Variants in KANK2 observed in about 807,000 individuals in gnomAD.
KANK2 encodes the protein KN motif and ankyrin repeat domains 2.
KANK2 carries 41 observed loss-of-function variants against 74.6 expected under a neutral mutation model. The ratio of observed to expected loss-of-function variants is 0.55; its 90% CI spans 0.43 to 0.71. The LOEUF (loss-of-function observed/expected upper bound fraction) is 0.71. KANK2 is among the 30% of genes least tolerant of loss of function. The pLI is 0.00. For synonymous variants in KANK2, 537 were observed against 519.0 expected (o/e 1.03, Z -0.47); for missense variants, 1,148 against 1,196.4 (o/e 0.96, Z 0.60).
chr19:11,174,957 C>CTT (rs573242892), intron 8 of KANK2, among the ~76,000 whole-genome samples: 10 of 140,896 alleles, frequency 7.1e-5, no homozygotes, highest in Non-Finnish European at 9.3e-5. Context: ...CTCTCTCTCT[C>CTT]TTTTTTTTTT....
At chr19:11,171,065 C>T (rs2078160251) in intron 10 of KANK2, among the ~76,000 whole-genome samples, 1 of 152,096 alleles carries the variant, frequency 6.6e-6, no homozygotes, top group African/African-American at 2.4e-5. Context: ...CGTGATCCGC[C>T]CGCCTAGGTT....
chr19:11,187,054 G>A (rs527665414), intron 4 of KANK2, among the ~76,000 whole-genome samples: 4 of 152,112 alleles, frequency 2.6e-5, no homozygotes, highest in East Asian at 1.9e-4. Flanking sequence ...TCAGGAGTTC[G>A]AGACCAGCCT....
In KANK2 at chr19:11,192,874, C is replaced by A; in HGVS notation, c.1206G>T (p.Val402=). Residue 402 remains valine (V), a synonymous_variant, in exon 4 of 13, where the codon GTG becomes GTT. Transcript: ENST00000586659. ...PAAATSNVHM[V]KKISITERSC... is the part of the protein sequence containing the mutation. ...TTCGCTCTGTGATGCTAATCTTCTT[C>A]ACCATATGGACGTTGCTGGTAGCTG... 6.2e-7 allele frequency: 1 copy of A among 1,609,516 alleles called. No homozygotes were observed. The highest frequency in any genetic ancestry group is 8.5e-7 in the Non-Finnish European group (1 of 1,178,370).
intron 3 of KANK2, 116 bp downstream of exon 3, chr19:11,194,359 T>G: frequency 1.2e-6 from 1 of 814,400 alleles, no homozygotes; most frequent in Non-Finnish European, 2.0e-6. Flanking sequence ...CCCTCAGACC[T>G]CTAATTGTTG....
Position 11,193,686 on chromosome 19 carries a change from G to T in KANK2, c.394C>A (p.Arg132Ser). The T allele has an allele frequency of 6.2e-7, 1 of 1,609,200 alleles. No individual in the cohort carries two copies. Among genetic ancestry groups the T allele is most frequent in the Non-Finnish European group, 8.5e-7 (1 of 1,177,676 alleles). The change falls in exon 4 of 13, where the codon CGT (arginine) becomes AGT (serine). Residue 132 changes from arginine (R) to serine (S), a missense_variant. By Grantham distance (110) the Arg-to-Ser change is moderately radical. Transcript: ENST00000586659. This position sits in a 1 kb window ranked among gnomAD's most constrained non-coding sequence, Gnocchi z 9.6. Reference sequence around the variant, plus strand: ...GCCGCCTGGTCCTCGAGACGGCGACGGGCATCCAGCAGCGTGCGCTCCACC... The same window carrying T: ...GCCGCCTGGTCCTCGAGACGGCGACTGGCATCCAGCAGCGTGCGCTCCACC... ...PRVERTLLDA[R>S]RRLEDQAATP...
intron 4 of KANK2, among the ~76,000 whole-genome samples, chr19:11,185,863 A>AC (rs59893470): frequency 0.037 from 5,547 of 151,838 alleles, 363 homozygotes; most frequent in African/African-American, 0.13. Context: ...ACAGAGCAAG[A>AC]CCCCATCTCT....
At chr19:11,169,782 C>T (rs1370664076) in intron 12 of KANK2, 95 bp downstream of exon 12, 6 of 1,060,352 alleles carry the variant, frequency 5.7e-6, no homozygotes, top group Non-Finnish European at 4.2e-6. Flanking sequence ...CCCTGGGCGA[C>T]AGAGTGAGAC....
upstream of KANK2, chr19:11,197,718 G>C (rs565327544): frequency 6.6e-6 from 1 of 151,954 alleles, no homozygotes; most frequent in Non-Finnish European, 1.5e-5. Context: ...TGGACAGCAG[G>C]TGTGTGTGCG....
In KANK2 at chr19:11,193,530, G is replaced by C; in HGVS notation, c.550C>G (p.His184Asp). 1 of 1,607,086 alleles carries C rather than the reference G, an allele frequency of 6.2e-7. No individual in the cohort carries two copies. The highest frequency in any genetic ancestry group is 8.5e-7 in the Non-Finnish European group (1 of 1,179,598). Reference sequence around the variant, plus strand: ...ATCTGCTCCCGCACGTGGGCCAGGTGCCCGGCACTGGGAGGCACCGGTGTG... The same window carrying C: ...ATCTGCTCCCGCACGTGGGCCAGGTCCCCGGCACTGGGAGGCACCGGTGTG... ...LSTPVPPSAG[H>D]LAHVREQMAG... Residue 184 changes from histidine to aspartate, a missense_variant, in exon 4 of 13, where the codon CAC becomes GAC. His to Asp is a moderately conservative substitution (Grantham distance 81, BLOSUM62 -1). Transcript: ENST00000586659. The surrounding 1 kb of genome is among the most constrained non-coding windows in gnomAD (Gnocchi z 9.6).
chr19:11,193,166 G>GCCTGCAGCT lies in KANK2; in HGVS notation c.905_913dup (p.Glu302_Gln304dup), dbSNP rs753261699. 1 of 1,610,496 alleles carries GCCTGCAGCT rather than the reference G, an allele frequency of 6.2e-7. No homozygotes were observed. On this transcript the variant is annotated inframe_insertion, in exon 4 of 13. Transcript: ENST00000586659. The surrounding 1 kb of genome is among the most constrained non-coding windows in gnomAD (Gnocchi z 9.6). ...GGGGTCAGCCTGCCGGGCCTGAGCT[G>GCCTGCAGCT]CCTGCAGCTCCTGCAGCGCCTTCTT...
At chr19:11,176,442 G>A (rs2078338409) in intron 7 of KANK2, 136 bp downstream of exon 7, 3 of 1,008,274 alleles carry the variant, frequency 3.0e-6, no homozygotes, top group Admixed American at 2.7e-5. Flanking sequence ...GAAGGAGCAA[G>A]TGCTCGTTTG....
chr19:11,187,497 G>A (rs2078710306), intron 4 of KANK2, among the ~76,000 whole-genome samples: 1 of 152,092 alleles, frequency 6.6e-6, no homozygotes, highest in South Asian at 2.1e-4. Context: ...ATTAGATGGG[G>A]TGGGGGTGGC....
In KANK2 at chr19:11,178,614, G is replaced by A. The variant is rs1306765947; in HGVS notation, c.1356C>T (p.Pro452=). 16 of 1,600,390 alleles carry A rather than the reference G, an allele frequency of 1.0e-5. No individual in the cohort carries two copies. The highest frequency in any genetic ancestry group is 1.4e-5 in the Non-Finnish European group (16 of 1,174,878). ...CTTGCCTGGTGGGCTCCCTGTGGGT[G>A]GGCTCCTGGGTGGGCACTCGGCCTG... ...KSTGRVPTQE[P]THREPTRQAA... is the part of the protein sequence containing the mutation. The change falls in exon 5 of 13, where the codon CCC becomes CCT. Residue 452 remains proline, a synonymous_variant. Coordinates refer to ENST00000586659, the MANE Select transcript of KANK2 (RefSeq NM_001136191.3).
At position 11,193,070 on chromosome 19, in the gene KANK2, C is replaced by T. The variant is rs369636439; in HGVS notation, c.1010G>A (p.Arg337Gln). The change falls in exon 4 of 13, where the codon CGG becomes CAG. Residue 337 changes from arginine to glutamine, a missense_variant. Arg to Gln is a conservative substitution (Grantham distance 43, BLOSUM62 1). Coordinates refer to ENST00000586659, the MANE Select transcript of KANK2 (RefSeq NM_001136191.3). This position sits in a 1 kb window ranked among gnomAD's most constrained non-coding sequence, Gnocchi z 9.6. ...TGTGCTGGCCACCACCTCCACCTCC[C>T]GTGGCCCTTCTACCACCCGGACTGT... ...VDTVRVVEGP[R>Q]EVEVVASTAA... 108 of 1,610,128 alleles carry T rather than the reference C, an allele frequency of 6.7e-5. No homozygotes were observed. The highest frequency in any genetic ancestry group is 8.5e-5 in the Non-Finnish European group (100 of 1,178,474).
rs2078343428 is a variant in KANK2, at chr19:11,176,591, C to T, written c.1747G>A (p.Glu583Lys). 1 of 1,590,328 alleles carries T rather than the reference C, an allele frequency of 6.3e-7. No individual in the cohort carries two copies. The highest frequency in any genetic ancestry group is 1.3e-5 in the African/African-American group (1 of 74,526). The part of the protein sequence containing the change: ...TAEGASGSNT[E>K]EEIRMELSPD... The stretch of plus-strand genomic sequence containing the variant: ...CAGAAAACTGACCTGATCTCCTCCT[C>T]CGTGTTTGATCCTGATGCCCCCTCA... Residue 583 changes from glutamate (E) to lysine (K), a missense_variant, in exon 7 of 13, where the codon GAG (glutamate) becomes AAG (lysine). By Grantham distance (56) the Glu-to-Lys change is moderately conservative (BLOSUM62 1). Coordinates refer to ENST00000586659, the MANE Select transcript of KANK2 (RefSeq NM_001136191.3).
At chr19:11,188,811 G>A (rs1182789236) in intron 4 of KANK2, among the ~76,000 whole-genome samples, 2 of 151,672 alleles carry the variant, frequency 1.3e-5, no homozygotes, top group East Asian at 2.0e-4. Flanking sequence ...GTGAAACCCC[G>A]TCTCTACTAA....
rs956955238 is a variant in KANK2, at chr19:11,170,384, TCAAA to T, written c.2212-140_2212-137del. 1.5e-6 allele frequency: 1 copy of T among 661,248 alleles called. No homozygotes were observed. Among genetic ancestry groups the T allele is most frequent in the Non-Finnish European group, 2.6e-6 (1 of 386,932 alleles). 41.0% of individuals were successfully genotyped at this position (661,248 alleles called of 1,614,324 possible). ...CAACTTGCTGATCTCCTCCTGAATC[TCAAA>T]CAACCCTCCCGTCACCAGGGGAGTA... On this transcript the variant is annotated intron_variant, in intron 10 of 12. Coordinates refer to ENST00000586659, the MANE Select transcript of KANK2 (RefSeq NM_001136191.3). The surrounding 1 kb of genome is among the most constrained non-coding windows in gnomAD (Gnocchi z 5.2).
intron 2 of KANK2, chr19:11,195,262 G>A (rs1005187972): frequency 4.6e-5 from 7 of 152,226 alleles, no homozygotes; most frequent in African/African-American, 1.7e-4. Flanking sequence ...CGGGCCCAGG[G>A]GCGCAGTAGG....
chr19:11,176,650 T>C lies in KANK2; in HGVS notation c.1688A>G (p.Gln563Arg), dbSNP rs61733491. ...TATGTGCTGAGATTCTCGAGACAGC[T>C]GACACTCCTGCCGGCTGGTCTTGGC... ...AAAKTSRQEC[Q>R]LSRESQHIPT... The change falls in exon 7 of 13, where the codon CAG becomes CGG. Residue 563 changes from glutamine to arginine, a missense_variant. By Grantham distance (43) the Gln-to-Arg change is conservative. Transcript: ENST00000586659. The C allele has an allele frequency of 1.3e-3, 2,028 of 1,613,478 alleles. 53 individuals carry two copies. The Admixed American group carries it at 0.032, about 26-fold the overall frequency.
Sources: gnomAD v4.1 joint callset for allele counts (sites outside exome capture counted in the v4.1 genomes callset) on GRCh38, gnomAD v4.1.1 for gene constraint, Gnocchi (gnomAD v3.1) non-coding constraint, MANE v1.5 for transcripts, NCBI Gene and HGNC (gene_info 2026-07-23, HGNC 2026-07-21) for gene names.